Variants in TRAK1 observed in about 807,000 individuals in gnomAD.
TRAK1 encodes trafficking kinesin protein 1.
In TRAK1, 33 loss-of-function variants were observed where a neutral mutation model predicts 92.1. The ratio of observed to expected loss-of-function variants is 0.36; its 90% confidence interval spans 0.27 to 0.48. The LOEUF is 0.48. TRAK1 is among the 20% of genes least tolerant of loss of function. The pLI is 0.99. For missense variants in TRAK1, 1,123 were observed against 1,257.9 expected, an observed-to-expected ratio of 0.89 and a Z score of 1.62; for synonymous variants, 521 against 517.3, an observed-to-expected ratio of 1.01 and a Z score of -0.10.
At chr3:42,131,252 G>C (rs1438907127) in intron 2 of TRAK1, among the ~76,000 whole-genome samples, 1 of 152,064 alleles carries the variant, frequency 6.6e-6, no homozygotes, top group Non-Finnish European at 1.5e-5. Flanking sequence ...CACAGTGGTC[G>C]CTCCCTTCTG....
At position 42,200,932 on chromosome 3, in the gene TRAK1, C is replaced by A; in HGVS notation, c.1305C>A (p.Asn435Lys). 1.2e-6 allele frequency: 2 copies of A among 1,614,228 alleles called. No individual in the cohort carries two copies. Among genetic ancestry groups the A allele is most frequent in the Non-Finnish European group, 1.7e-6 (2 of 1,180,044 alleles). The change falls in exon 12 of 16, where the codon AAC (asparagine) becomes AAA (lysine). Residue 435 changes from asparagine to lysine, a missense_variant. By Grantham distance (94) the Asn-to-Lys change is moderately conservative. Around this residue, in one of 3 missense-constraint regions of TRAK1, gnomAD observed 686 missense variants for 747.6 expected, o/e 0.92. Transcript: ENST00000327628. ...GCTCCAACCAGTCCTCGGCCATGAACTCCCTCCTGTCCAGCTGCGTCAGCA... is the reference window on the plus strand; with the variant it reads ...GCTCCAACCAGTCCTCGGCCATGAAATCCCTCCTGTCCAGCTGCGTCAGCA... ...IPGSNQSSAM[N>K]SLLSSCVSTP...
chr3:42,202,376 G>A lies in TRAK1; in HGVS notation c.1428-60G>A. On this transcript the variant is annotated intron_variant, in intron 12 of 15. Coordinates refer to ENST00000327628, the MANE Select transcript of TRAK1 (RefSeq NM_001042646.3). This position sits in a 1 kb window ranked among gnomAD's most constrained non-coding sequence, Gnocchi z 6.1. ...TCCACCGCTGTGCATTGAGCAGTCG[G>A]GCCTCTGTGGCCTTGGAGCCCTGCT... 7.0e-7 allele frequency: 1 copy of A among 1,435,086 alleles called. No individual in the cohort carries two copies. The highest frequency in any genetic ancestry group is 9.2e-7 in the Non-Finnish European group (1 of 1,087,420). 88.9% of individuals were successfully genotyped at this position (1,435,086 alleles called of 1,614,324 possible).
intron 1 of TRAK1, among the ~76,000 whole-genome samples, chr3:42,047,902 T>TCC (rs34921385): frequency 2.2e-3 from 311 of 140,550 alleles, no homozygotes; most frequent in Admixed American, 3.8e-3. Flanking sequence ...TTTAAAACAC[T>TCC]CCCCCCCATA....
chr3:42,107,454 G>C (rs1386674402), intron 1 of TRAK1, among the ~76,000 whole-genome samples: 2 of 151,690 alleles, frequency 1.3e-5, no homozygotes, highest in Non-Finnish European at 1.5e-5. Flanking sequence ...GGAGGTTGCA[G>C]TGAGCCAAGA....
chr3:42,047,954 C>T (rs1438408146), intron 1 of TRAK1, among the ~76,000 whole-genome samples: 1 of 140,920 alleles, frequency 7.1e-6, no homozygotes, highest in Non-Finnish European at 1.5e-5. Flanking sequence ...AAATCACATG[C>T]ACAAAGCCAC....
At chr3:42,092,736 A>G (rs563547074) in intron 1 of TRAK1, among the ~76,000 whole-genome samples, 24 of 144,710 alleles carry the variant, frequency 1.7e-4, no homozygotes, top group African/African-American at 5.8e-4. Flanking sequence ...ATGTTATGTT[A>G]TGTTATGTTA....
At position 42,209,767 on chromosome 3, in the gene TRAK1, GT is replaced by G; in HGVS notation, c.1747del (p.Ser583ProfsTer60). ...TCTTCCCTTCCCTTTCTCCTGCAAG[GT>G]TCCGCCACACTTCACCACTGGCAGC... Reference protein sequence around the residue: ...EKLQIVKPLEGSATLHHWQQL... With the variant: ...EKLQIVKPLEXSATLHHWQQL... On this transcript the variant is annotated frameshift_variant and splice_region_variant, in exon 14 of 16. Transcript: ENST00000327628. LOFTEE classifies it high-confidence loss of function. 6.2e-7 allele frequency: 1 copy of G among 1,613,744 alleles called. No individual in the cohort carries two copies. Among genetic ancestry groups the G allele is most frequent in the Non-Finnish European group, 8.5e-7 (1 of 1,179,844 alleles).
intron 1 of TRAK1, among the ~76,000 whole-genome samples, chr3:42,114,703 C>T (rs1006315346): frequency 6.6e-6 from 1 of 152,010 alleles, no homozygotes; most frequent in Non-Finnish European, 1.5e-5. Flanking sequence ...TAGCATGTAA[C>T]ATACTTAATT....
chr3:42,146,119 CA>C, intron 2 of TRAK1: 1 of 461,926 alleles, frequency 2.2e-6, no homozygotes, highest in South Asian at 1.8e-5. Context: ...CTGATTTATA[CA>C]CCAACTACAT....
rs1553730371 is a variant in TRAK1, at chr3:42,138,876, G to GTGTGTGTGTGTGT, written c.286+13262_286+13263insTGTGTGTGTGTGT. Among the ~76,000 whole-genome samples, 271 of 118,806 alleles carry GTGTGTGTGTGTGT rather than the reference G, an allele frequency of 2.3e-3. 17 individuals carry two copies. The highest frequency in any genetic ancestry group is 4.6e-3 in the African/African-American group (121 of 26,166). The allele number at this position is 118,806 out of a possible 152,430, so 77.9% of individuals were successfully genotyped here. A position where few individuals can be genotyped will look rare whatever the true frequency, so the allele number is the denominator to read the frequency against. ...TGGTGACCTAAAAGAAAGCATAGGG[G>GTGTGTGTGTGTGT]GTGTGTGTGTGTGTGTGTGTGTGTG... On this transcript the variant is annotated intron_variant, in intron 2 of 15. Transcript: ENST00000327628.
intron 2 of TRAK1, among the ~76,000 whole-genome samples, chr3:42,158,315 C>T (rs1700796885): frequency 1.3e-5 from 2 of 152,058 alleles, no homozygotes; most frequent in South Asian, 2.1e-4. Flanking sequence ...CTCATCTTAT[C>T]GTCAATCTGA....
intron 1 of TRAK1, among the ~76,000 whole-genome samples, chr3:42,015,820 T>TG (rs1440729225): frequency 3.3e-5 from 5 of 152,226 alleles, no homozygotes; most frequent in African/African-American, 9.6e-5. Flanking sequence ...GTGGATCACT[T>TG]AAGGTCAGGA....
upstream of TRAK1, among the ~76,000 whole-genome samples, chr3:42,088,730 C>T (rs151300820): frequency 9.8e-5 from 15 of 152,322 alleles, no homozygotes; most frequent in Non-Finnish European, 2.1e-4. Context: ...TGGTAGTTCA[C>T]ACTGTTGCCA....
At chr3:42,132,813 C>A (rs1022192983) in intron 2 of TRAK1, among the ~76,000 whole-genome samples, 7 of 152,084 alleles carry the variant, frequency 4.6e-5, no homozygotes, top group African/African-American at 7.2e-5. Context: ...GTATGCCCAC[C>A]CTGACCTTCC....
At chr3:42,114,733 G>C (rs1708942147) in intron 1 of TRAK1, among the ~76,000 whole-genome samples, 1 of 150,806 alleles carries the variant, frequency 6.6e-6, no homozygotes, top group Non-Finnish European at 1.5e-5. Context: ...TTTTTTTTGA[G>C]ACAGAGTCTC....
At chr3:42,039,046 A>G (rs1349051328) in intron 1 of TRAK1, among the ~76,000 whole-genome samples, 1 of 152,086 alleles carries the variant, frequency 6.6e-6, no homozygotes, top group Non-Finnish European at 1.5e-5. Context: ...TCCCACGTAA[A>G]ACATAATCCC....
chr3:42,094,705 TATA>T (rs1249170753), intron 1 of TRAK1, among the ~76,000 whole-genome samples: 2 of 152,170 alleles, frequency 1.3e-5, no homozygotes, highest in African/African-American at 4.8e-5. Context: ...CTGGAAGAAA[TATA>T]ATGTTATAAA....
intron 4 of TRAK1, among the ~76,000 whole-genome samples, chr3:42,186,751 T>C (rs933986092): frequency 1.3e-5 from 2 of 152,226 alleles, no homozygotes; most frequent in African/African-American, 4.8e-5. Flanking sequence ...GAAATGCCTT[T>C]TTTCCCCCTT....
chr3:42,175,635 G>A (rs1432036961), intron 2 of TRAK1, among the ~76,000 whole-genome samples: 1 of 152,122 alleles, frequency 6.6e-6, no homozygotes, highest in Non-Finnish European at 1.5e-5. Flanking sequence ...CAACAGATCC[G>A]ATTTCTCTGA....
Sources: gnomAD v4.1 joint callset for allele counts (sites outside exome capture counted in the v4.1 genomes callset) on GRCh38, gnomAD v4.1.1 for gene constraint, gnomAD v4.1.1 regional missense constraint, Gnocchi (gnomAD v3.1) non-coding constraint, MANE v1.5 for transcripts, NCBI Gene and HGNC (gene_info 2026-07-23, HGNC 2026-07-21) for gene names.